Variants in NEXN observed in about 807,000 individuals in gnomAD.
The protein encoded by NEXN is nexilin.
NEXN carries 65 observed loss-of-function variants against 92.6 expected under a neutral mutation model. That is an observed-to-expected ratio of 0.70 (90% CI 0.57 to 0.86). The LOEUF (loss-of-function observed/expected upper bound fraction) is 0.86, where lower values mean the gene tolerates loss of function less well. NEXN is among the 40% of genes least tolerant of loss of function. The probability of loss-of-function intolerance (pLI) is 0.00; values close to 1 mark genes in which losing one functional copy is unlikely to be tolerated. For synonymous variants in NEXN, 254 were observed against 242.5 expected, an observed-to-expected ratio of 1.05 and a Z score of -0.44; for missense variants, 778 against 771.1, an observed-to-expected ratio of 1.01 and a Z score of -0.11.
chr1:77,931,076 A>T (rs568905919), intron 9 of NEXN, among the ~76,000 whole-genome samples: 33 of 152,204 alleles, frequency 2.2e-4, no homozygotes, highest in Non-Finnish European at 3.5e-4. Context: ...TAATTTTTGG[A>T]GAATAAGCAG....
chr1:77,928,673 T>TAA (rs1212937022), intron 8 of NEXN, among the ~76,000 whole-genome samples: 15 of 147,382 alleles, frequency 1.0e-4, no homozygotes, highest in African/African-American at 3.7e-4. Context: ...TAGTTCACAG[T>TAA]AAAAAAAAAA....
intron 1 of NEXN, among the ~76,000 whole-genome samples, chr1:77,903,311 ATACT>A (rs1647864303): frequency 1.3e-5 from 2 of 152,244 alleles, no homozygotes; most frequent in African/African-American, 4.8e-5. Flanking sequence ...CCAATAATGT[ATACT>A]TAAATTATTA....
At chr1:77,931,599 A>G (rs942128154) in intron 9 of NEXN, 4 of 152,138 alleles carry the variant, frequency 2.6e-5, no homozygotes, top group Non-Finnish European at 1.5e-5. Context: ...AGACATTTCT[A>G]AAGAGAAGAG....
rs746341060 is a variant in NEXN, at chr1:77,929,430, A to G, written c.979A>G (p.Arg327Gly). 1.2e-6 allele frequency: 2 copies of G among 1,613,690 alleles called. No individual in the cohort carries two copies. Among genetic ancestry groups the G allele is most frequent in the Admixed American group, 3.3e-5 (2 of 60,010 alleles). ...MERQRREDEK[R>G]KAEEEARRRI... The stretch of plus-strand genomic sequence containing the variant: ...AAGGCAAAGAAGAGAAGATGAAAAA[A>G]GGAAAGCAGAAGAAGAAGCCAGAAG... Residue 327 changes from arginine (R) to glycine (G), a missense_variant, in exon 9 of 13, where the codon AGG becomes GGG. By Grantham distance (125) the Arg-to-Gly change is moderately radical (BLOSUM62 -2). This residue lies in a region of NEXN where 532 missense variants were observed against 476.7 expected (regional missense o/e 1.12). Coordinates refer to ENST00000334785, the MANE Select transcript of NEXN (RefSeq NM_144573.4).
Position 77,926,825 on chromosome 1 carries a change from C to G in NEXN, c.797C>G (p.Ala266Gly), listed in dbSNP as rs1442572797. Residue 266 changes from alanine (A) to glycine (G), a missense_variant, in exon 8 of 13, where the codon GCT (alanine) becomes GGT (glycine). Transcript: ENST00000334785. ...RQRQENRKKQ[A>G]EEEARKRLEE... ...AGACAAGAAAACCGAAAGAAGCAAG[C>G]TGAAGAGGAAGCAAGAAAACGTTTA... The G allele has an allele frequency of 4.3e-6, 7 of 1,613,738 alleles. No homozygotes were observed. Among genetic ancestry groups the G allele is most frequent in the East Asian group, 2.2e-5 (1 of 44,834 alleles).
chr1:77,935,768 C>T, intron 10 of NEXN, 55 bp from the exon 11 acceptor site: 1 of 1,511,212 alleles, frequency 6.6e-7, no homozygotes, highest in East Asian at 2.3e-5. Context: ...GCCTTGGCAA[C>T]ATAGTGAGAC....
At chr1:77,923,487 A>G (rs1230540469) in intron 5 of NEXN, among the ~76,000 whole-genome samples, 2 of 152,052 alleles carry the variant, frequency 1.3e-5, no homozygotes, top group African/African-American at 4.8e-5. Context: ...AAAACAATAA[A>G]CAATCTGAAT....
chr1:77,942,370 T>TAA, intron 12 of NEXN, 91 bp from the exon 13 acceptor site: 22 of 1,267,036 alleles, frequency 1.7e-5, no homozygotes, highest in African/African-American at 3.0e-5. Flanking sequence ...GTTCTTTACT[T>TAA]AAAAAAAAAA....
Position 77,935,847 on chromosome 1 carries a change from G to A in NEXN, c.1276G>A (p.Gly426Arg). ...GEEEEENETF[G>R]LSREYEELIK... ...GGAAGAGGAAGAAAATGAAACCTTTGGATTGAGCAGAGAATATGAAGAACT... is the reference window on the plus strand; with the variant it reads ...GGAAGAGGAAGAAAATGAAACCTTTAGATTGAGCAGAGAATATGAAGAACT... Residue 426 changes from glycine (G) to arginine (R), a missense_variant, in exon 11 of 13, where the codon GGA becomes AGA. Transcript: ENST00000334785. 1 of 1,612,620 alleles carries A rather than the reference G, an allele frequency of 6.2e-7. No individual in the cohort carries two copies.
intron 1 of NEXN, among the ~76,000 whole-genome samples, chr1:77,892,793 T>C (rs573571461): frequency 2.9e-4 from 44 of 152,266 alleles, no homozygotes; most frequent in African/African-American, 1.1e-3. Context: ...TAAAATACTT[T>C]CCCTGGTGGG....
chr1:77,917,010 C>T (rs1245036423), intron 2 of NEXN, among the ~76,000 whole-genome samples: 1 of 152,148 alleles, frequency 6.6e-6, no homozygotes, highest in African/African-American at 2.4e-5. Context: ...AGCTTGTGCA[C>T]ACAGACCACG....
intron 8 of NEXN, among the ~76,000 whole-genome samples, chr1:77,928,461 T>G (rs1650040272): frequency 2.0e-5 from 3 of 152,010 alleles, no homozygotes; most frequent in Admixed American, 2.0e-4. Context: ...ATTACTCGGG[T>G]ATAGCTGCAT....
intron 9 of NEXN, 57 bp from the exon 10 acceptor site, chr1:77,933,225 G>C: frequency 9.3e-7 from 1 of 1,076,480 alleles, no homozygotes; most frequent in African/African-American, 1.6e-5. Context: ...TCAAGAAATA[G>C]TCCCTTTTTA....
intron 9 of NEXN, 85 bp downstream of exon 9, chr1:77,929,589 C>G (rs201726974): frequency 5.3e-5 from 82 of 1,551,944 alleles, no homozygotes; most frequent in Middle Eastern, 2.3e-4. Context: ...AGAGAATACC[C>G]TATTATTTCT....
intron 1 of NEXN, chr1:77,889,217 G>A (rs1647046245): frequency 6.5e-6 from 1 of 152,802 alleles, no homozygotes; most frequent in South Asian, 2.1e-4. Flanking sequence ...CCCCAGCCGC[G>A]GTCTCCGTCT....
Position 77,942,050 on chromosome 1 carries a change from AG to A in NEXN, c.1502del (p.Arg501LysfsTer11), listed in dbSNP as rs1425668712. ...AGATGATGTTGATGTTAGGCCTGCA[AG>A]AAAAAGCGAGGCTCCATTTACTCAC... is the stretch of plus-strand genomic sequence containing the variant. ...EEDDVDVRPA[R>X]KSEAPFTHKV... On this transcript the variant is annotated frameshift_variant, in exon 12 of 13. Transcript: ENST00000334785. LOFTEE classifies it high-confidence loss of function. 3 of 1,613,448 alleles carry A rather than the reference AG, an allele frequency of 1.9e-6. No individual in the cohort carries two copies. In the African/African-American group the frequency reaches 4.0e-5, roughly 22 times the overall value.
intron 1 of NEXN, among the ~76,000 whole-genome samples, chr1:77,893,346 A>G (rs74824575): frequency 6.6e-6 from 1 of 152,108 alleles, no homozygotes; most frequent in Admixed American, 6.6e-5. Context: ...ATGAAAGATC[A>G]TCTTCCGCTT....
At position 77,942,911 on chromosome 1, in the gene NEXN, T is replaced by TA. The variant is rs1557999330; in HGVS notation, c.*83dup. ...CTTCTCTTTTTTAGCTGATGACTACTAGCTCCCCTCCCCTCTCCCTGGAAC... is the reference window on the plus strand; with the variant it reads ...CTTCTCTTTTTTAGCTGATGACTACTAAGCTCCCCTCCCCTCTCCCTGGAAC... On this transcript the variant is annotated 3_prime_UTR_variant, in exon 13 of 13. Coordinates refer to ENST00000334785, the MANE Select transcript of NEXN (RefSeq NM_144573.4). The TA allele has an allele frequency of 6.7e-7, 1 of 1,487,494 alleles. No homozygotes were observed. The highest frequency in any genetic ancestry group is 9.2e-7 in the Non-Finnish European group (1 of 1,092,494). 92.1% of individuals were successfully genotyped at this position (1,487,494 alleles called of 1,614,324 possible).
At chr1:77,908,226 T>C (rs1254197173) in intron 1 of NEXN, among the ~76,000 whole-genome samples, 2 of 151,984 alleles carry the variant, frequency 1.3e-5, no homozygotes, top group East Asian at 1.9e-4. Flanking sequence ...TACAAGCATG[T>C]GCTATGACAC....
Sources: allele counts gnomAD v4.1 joint callset (sites outside exome capture counted in the v4.1 genomes callset), GRCh38; gene constraint gnomAD v4.1.1; regional missense constraint gnomAD v4.1.1; transcripts MANE v1.5; gene names NCBI Gene and HGNC (gene_info 2026-07-23, HGNC 2026-07-21).